The following SLC12A1 variants were observed in gnomAD, a reference collection of about 807,000 sequenced individuals.
SLC12A1 encodes Na-K-2Cl cotransporter.
In SLC12A1, 89 loss-of-function variants were observed where a neutral mutation model predicts 130.4. The ratio of observed to expected loss-of-function variants is 0.68; its 90% CI spans 0.58 to 0.81. The LOEUF (loss-of-function observed/expected upper bound fraction) is 0.81. Ranked by LOEUF, SLC12A1 falls within the 40% of genes least tolerant of loss-of-function variation. The probability of loss-of-function intolerance (pLI) is 0.00; values close to 1 mark genes in which losing one functional copy is unlikely to be tolerated. For missense variants in SLC12A1, 1,310 were observed against 1,336.4 expected, an observed-to-expected ratio of 0.98 and a Z score of 0.31; for synonymous variants, 499 against 460.0, an observed-to-expected ratio of 1.08 and a Z score of -1.09.
chr15:48,285,093 C>A lies in SLC12A1; in HGVS notation c.2486-13C>A. 6.5e-7 allele frequency: 1 copy of A among 1,547,752 alleles called. No individual in the cohort carries two copies. The highest frequency in any genetic ancestry group is 8.7e-7 in the Non-Finnish European group (1 of 1,148,358). On this transcript the variant is annotated splice_polypyrimidine_tract_variant and intron_variant, in intron 20 of 26. Coordinates refer to ENST00000380993, the MANE Select transcript of SLC12A1 (RefSeq NM_000338.3). ...TTCTGAGTTAAGTAGGTGATTTTGTCTTCTTTCATCAGAGGAATTAGAGAG... is the reference window on the plus strand; with the variant it reads ...TTCTGAGTTAAGTAGGTGATTTTGTATTCTTTCATCAGAGGAATTAGAGAG...
At chr15:48,302,596 C>T (rs2042247168) in intron 26 of SLC12A1, among the ~76,000 whole-genome samples, 154 bp from the exon 27 acceptor site, 1 of 127,794 alleles carries the variant, frequency 7.8e-6, no homozygotes, top group African/African-American at 3.1e-5. Context: ...GTCCGCAGTC[C>T]GGCCTGGGCG....
chr15:48,280,294 G>C (rs1451259447), intron 20 of SLC12A1, among the ~76,000 whole-genome samples: 2 of 151,994 alleles, frequency 1.3e-5, no homozygotes, highest in Non-Finnish European at 2.9e-5. Flanking sequence ...TGAAAATACA[G>C]TAACTACTAT....
chr15:48,226,824 T>A (rs973378327), intron 5 of SLC12A1: 7 of 586,940 alleles, frequency 1.2e-5, no homozygotes, highest in African/African-American at 7.5e-5. Flanking sequence ...TTAGGTAAAC[T>A]TTTTCTTTTT....
At chr15:48,225,853 T>G in intron 4 of SLC12A1, 2 of 975,708 alleles carry the variant, frequency 2.0e-6, no homozygotes, top group Non-Finnish European at 2.4e-6. Context: ...TCAACTGAGG[T>G]CTTGGTGTGA....
chr15:48,249,489 T>G lies in SLC12A1; in HGVS notation c.1685-86T>G, dbSNP rs528178767. 2.9e-6 allele frequency: 3 copies of G among 1,022,864 alleles called. No homozygotes were observed. The South Asian group carries it at 3.9e-5, about 13-fold the overall frequency. 63.4% of individuals were successfully genotyped at this position (1,022,864 alleles called of 1,614,324 possible). A position where few individuals can be genotyped will look rare whatever the true frequency, so the allele number is the denominator to read the frequency against. ...GCTCGCTATGTTTTCAATTTCCAAA[T>G]AAATTCAAGCTTCGAGGCTATAACA... On this transcript the variant is annotated intron_variant, in intron 13 of 26. Coordinates refer to ENST00000380993, the MANE Select transcript of SLC12A1 (RefSeq NM_000338.3).
chr15:48,217,211 T>A (rs2041133061), intron 2 of SLC12A1, among the ~76,000 whole-genome samples: 2 of 152,246 alleles, frequency 1.3e-5, no homozygotes, highest in South Asian at 4.1e-4. Context: ...TAAATACTTA[T>A]ATTGCAAATA....
At chr15:48,264,838 G>A (rs911645705) in intron 17 of SLC12A1, among the ~76,000 whole-genome samples, 3 of 152,108 alleles carry the variant, frequency 2.0e-5, no homozygotes, top group African/African-American at 7.2e-5. Flanking sequence ...TGATAGTCAC[G>A]TATTTAAAGT....
intron 12 of SLC12A1, 74 bp downstream of exon 12, chr15:48,247,090 G>A (rs1250319105): frequency 5.9e-5 from 73 of 1,228,604 alleles, no homozygotes; most frequent in Non-Finnish European, 7.6e-5. Flanking sequence ...TGAAATATTC[G>A]TTCTCACTGG....
chr15:48,216,057 G>T (rs1371277460), intron 2 of SLC12A1, among the ~76,000 whole-genome samples: 6 of 152,060 alleles, frequency 3.9e-5, no homozygotes, highest in Admixed American at 6.6e-5. Context: ...TACATTTGGG[G>T]TTTTTTTCCC....
intron 2 of SLC12A1, among the ~76,000 whole-genome samples, chr15:48,211,209 C>T (rs1318303382): frequency 6.6e-6 from 1 of 152,156 alleles, no homozygotes; most frequent in Non-Finnish European, 1.5e-5. Context: ...TCAGATTCAA[C>T]CACAGAATCT....
At chr15:48,285,365 C>G (rs1005370039) in intron 21 of SLC12A1, 116 bp downstream of exon 21, 4 of 944,606 alleles carry the variant, frequency 4.2e-6, no homozygotes, top group Non-Finnish European at 6.4e-6. Context: ...TGGGTAGGAA[C>G]TGAAAGGTTT....
intron 14 of SLC12A1, 33 bp from the exon 15 acceptor site, chr15:48,251,582 T>C (rs2041648812): frequency 1.9e-6 from 3 of 1,569,236 alleles, no homozygotes; most frequent in Non-Finnish European, 8.8e-7. Flanking sequence ...CATAGTAGAG[T>C]GGAAGTTTTC....
At chr15:48,254,840 C>T (rs377509065) in intron 15 of SLC12A1, among the ~76,000 whole-genome samples, 2 of 151,798 alleles carry the variant, frequency 1.3e-5, no homozygotes, top group East Asian at 2.0e-4. Flanking sequence ...AGAAGAATGG[C>T]GTGAACCCGG....
chr15:48,255,508 T>C (rs1300896167), intron 15 of SLC12A1, among the ~76,000 whole-genome samples: 1 of 151,834 alleles, frequency 6.6e-6, no homozygotes, highest in Admixed American at 6.6e-5. Context: ...GTTTCCCAAG[T>C]CTATATGCCT....
chr15:48,299,893 G>A (rs2141130510), intron 25 of SLC12A1, among the ~76,000 whole-genome samples: 1 of 152,252 alleles, frequency 6.6e-6, no homozygotes, highest in South Asian at 2.1e-4. Context: ...CTAAGTAGAA[G>A]AATTGACACC....
chr15:48,291,985 A>T, intron 24 of SLC12A1, 121 bp downstream of exon 24: 1 of 649,136 alleles, frequency 1.5e-6, no homozygotes, highest in Non-Finnish European at 2.7e-6. Context: ...ATAGGATCTA[A>T]TAAGAAGAGC....
At chr15:48,246,047 T>A (rs1161118924) in intron 11 of SLC12A1, among the ~76,000 whole-genome samples, 1 of 152,266 alleles carries the variant, frequency 6.6e-6, no homozygotes, top group Non-Finnish European at 1.5e-5. Context: ...GAAGTAAATT[T>A]GTCGCGAAAG....
chr15:48,269,983 C>A lies in SLC12A1; in HGVS notation c.2402+219C>A, dbSNP rs8028210. ...GAGGAGGCAGGGTGAGAGAAACGCC[C>A]GTGTCAGAGAAAAAAGTAAATGTTT... On this transcript the variant is annotated intron_variant, in intron 19 of 26. Transcript: ENST00000380993. 0.99 allele frequency among the ~76,000 whole-genome samples: 150,769 copies of A among 152,298 alleles called. 74,650 individuals are homozygous for A. Among genetic ancestry groups the A allele is most frequent in the Middle Eastern group, 1 (294 of 294 alleles).
At chr15:48,242,161 A>G (rs2041523956) in intron 10 of SLC12A1, among the ~76,000 whole-genome samples, 1 of 152,166 alleles carries the variant, frequency 6.6e-6, no homozygotes, top group Non-Finnish European at 1.5e-5. Context: ...TGAACAGAAA[A>G]TATGTGTACT....
Sources: allele counts gnomAD v4.1 joint callset (sites outside exome capture counted in the v4.1 genomes callset), GRCh38; gene constraint gnomAD v4.1.1; transcripts MANE v1.5; gene names NCBI Gene and HGNC (gene_info 2026-07-23, HGNC 2026-07-21).